The following NTM variants were observed in gnomAD, a reference collection of about 807,000 sequenced individuals.
The protein encoded by NTM is IgLON family member 2.
Under a neutral mutation model 42.1 loss-of-function variants are expected in NTM, and 13 were observed. The ratio of observed to expected loss-of-function variants is 0.31; its 90% CI spans 0.20 to 0.49. The LOEUF (loss-of-function observed/expected upper bound fraction) is 0.49, where lower values mean the gene tolerates loss of function less well. NTM is among the 20% of genes least tolerant of loss of function. The pLI is 0.99. For missense variants in NTM, 373 were observed against 452.8 expected (o/e 0.82, Z 1.60); for synonymous variants, 187 against 179.2 (o/e 1.04, Z -0.35).
chr11:132,132,014 C>T (rs879526382), intron 2 of NTM, among the ~76,000 whole-genome samples: 1 of 152,170 alleles, frequency 6.6e-6, no homozygotes, highest in Non-Finnish European at 1.5e-5. Flanking sequence ...ATCAAAGGCA[C>T]CAAGAGTTTC....
At chr11:131,490,178 C>T (rs1227234431) in intron 1 of NTM, among the ~76,000 whole-genome samples, 4 of 152,138 alleles carry the variant, frequency 2.6e-5, no homozygotes, top group South Asian at 2.1e-4. Flanking sequence ...CCCTATGAAC[C>T]AAACACCTCC....
At chr11:131,785,705 T>C (rs147849210) in intron 1 of NTM, among the ~76,000 whole-genome samples, 1 of 152,290 alleles carries the variant, frequency 6.6e-6, no homozygotes, top group African/African-American at 2.4e-5. Flanking sequence ...GAGACTAAGA[T>C]AGAGACCTGA....
chr11:132,184,909 G>A (rs543380490), intron 3 of NTM, among the ~76,000 whole-genome samples: 22 of 152,202 alleles, frequency 1.4e-4, no homozygotes, highest in African/African-American at 5.1e-4. Flanking sequence ...GTGTGGCTGG[G>A]CCTTCTGCTT....
intron 2 of NTM, among the ~76,000 whole-genome samples, chr11:132,145,707 T>G (rs1213737619): frequency 6.6e-6 from 1 of 152,180 alleles, no homozygotes; most frequent in Non-Finnish European, 1.5e-5. Flanking sequence ...CTGTATTTAG[T>G]TTTGACTGCA....
intron 1 of NTM, among the ~76,000 whole-genome samples, chr11:131,516,453 A>G (rs1408129413): frequency 6.6e-6 from 1 of 152,138 alleles, no homozygotes; most frequent in Non-Finnish European, 1.5e-5. Flanking sequence ...ATCTCGGCTC[A>G]CGCAATCTCC....
intron 1 of NTM, among the ~76,000 whole-genome samples, chr11:131,417,252 C>T (rs925248088): frequency 6.6e-6 from 1 of 152,192 alleles, no homozygotes; most frequent in Non-Finnish European, 1.5e-5. Context: ...CCCTTATCTT[C>T]TACAGCGAAA....
At chr11:131,478,224 A>T (rs897871113) in intron 1 of NTM, among the ~76,000 whole-genome samples, 1 of 151,968 alleles carries the variant, frequency 6.6e-6, no homozygotes, top group East Asian at 1.9e-4. Flanking sequence ...AACTTCCTTT[A>T]TCTTGTTTTT....
chr11:132,297,239 A>T (rs1417482894), intron 4 of NTM, among the ~76,000 whole-genome samples: 3 of 152,182 alleles, frequency 2.0e-5, no homozygotes, highest in Non-Finnish European at 4.4e-5. Flanking sequence ...AGATTGTCTT[A>T]ACTATAGATT....
At position 132,265,842 on chromosome 11, in the gene NTM, A is replaced by C. The variant is rs185854242; in HGVS notation, c.527-41847A>C. On this transcript the variant is annotated intron_variant, in intron 4 of 8. Transcript: ENST00000683400. The stretch of plus-strand genomic sequence containing the variant: ...CCACGTTTTATAGATGAGAAAACTG[A>C]AGCACAGGCAGAGAGGAGTTAAGTA... 1.8e-3 allele frequency among the ~76,000 whole-genome samples: 270 copies of C among 152,340 alleles called. 1 individual carries two copies. Among genetic ancestry groups the C allele is most frequent in the African/African-American group, 6.3e-3 (263 of 41,588 alleles).
intron 1 of NTM, among the ~76,000 whole-genome samples, chr11:131,566,353 C>T (rs991906528): frequency 6.6e-6 from 1 of 152,100 alleles, no homozygotes; most frequent in Non-Finnish European, 1.5e-5. Flanking sequence ...AAATCAGGAA[C>T]TCCTTTATGC....
At chr11:132,067,373 G>A (rs371067554) in intron 2 of NTM, among the ~76,000 whole-genome samples, 31 of 152,278 alleles carry the variant, frequency 2.0e-4, no homozygotes, top group African/African-American at 7.0e-4. Flanking sequence ...ATTTCAGCCT[G>A]TTACAGCATC....
At chr11:131,483,044 ATTAG>A (rs1953780224) in intron 1 of NTM, among the ~76,000 whole-genome samples, 1 of 152,208 alleles carries the variant, frequency 6.6e-6, no homozygotes, top group African/African-American at 2.4e-5. Flanking sequence ...AAACACTGGT[ATTAG>A]TTTTAATTGC....
At chr11:131,422,595 A>C (rs955049495) in intron 1 of NTM, among the ~76,000 whole-genome samples, 1 of 152,186 alleles carries the variant, frequency 6.6e-6, no homozygotes, top group African/African-American at 2.4e-5. Context: ...AAATTGGGCC[A>C]TCCTCCCCGC....
At chr11:131,622,369 C>T (rs2062664291) in intron 1 of NTM, among the ~76,000 whole-genome samples, 1 of 152,162 alleles carries the variant, frequency 6.6e-6, no homozygotes, top group African/African-American at 2.4e-5. Context: ...TGCCTCGGGC[C>T]CCGGGCCATG....
chr11:132,249,046 A>G (rs1427237797), intron 4 of NTM, among the ~76,000 whole-genome samples: 2 of 152,212 alleles, frequency 1.3e-5, no homozygotes, highest in Non-Finnish European at 2.9e-5. Flanking sequence ...AACATGCTCC[A>G]CACACTTCCT....
intron 1 of NTM, among the ~76,000 whole-genome samples, chr11:131,906,841 C>A (rs1205888582): frequency 6.6e-6 from 1 of 152,188 alleles, no homozygotes; most frequent in Non-Finnish European, 1.5e-5. Flanking sequence ...TTCCCCTTTT[C>A]AAGTTGCACC....
rs1210780671 is a variant in NTM, at chr11:131,493,750, A to G, written c.82+122862A>G. Among the ~76,000 whole-genome samples, 3 of 152,212 alleles carry G rather than the reference A, an allele frequency of 2.0e-5. No individual in the cohort carries two copies. In the East Asian group the frequency reaches 5.8e-4, roughly 29 times the overall value. On this transcript the variant is annotated intron_variant, in intron 1 of 8. Transcript: ENST00000683400. ...TTAAACACAGGTATAGAAGAATGTA[A>G]GCCCCAGAAACTTTTTGCTACACTG...
chr11:132,061,987 A>T (rs532275879), intron 2 of NTM, among the ~76,000 whole-genome samples: 1 of 152,212 alleles, frequency 6.6e-6, no homozygotes, highest in East Asian at 1.9e-4. Flanking sequence ...TAATTGGTAG[A>T]TTCAACATCT....
intron 1 of NTM, among the ~76,000 whole-genome samples, chr11:131,402,083 G>A (rs1282765722): frequency 6.6e-6 from 1 of 151,412 alleles, no homozygotes; most frequent in Non-Finnish European, 1.5e-5. Flanking sequence ...TGGAAAGACA[G>A]CTGGCAGGAA....
Sources: allele counts gnomAD v4.1 joint callset (sites outside exome capture counted in the v4.1 genomes callset), GRCh38; gene constraint gnomAD v4.1.1; transcripts MANE v1.5; gene names NCBI Gene and HGNC (gene_info 2026-07-23, HGNC 2026-07-21).